Variants in ADGRB3 observed in about 807,000 individuals in gnomAD.
ADGRB3 encodes the protein adhesion G protein-coupled receptor B3, also known as brain-specific angiogenesis inhibitor 3.
A neutral mutation model predicts 193.4 loss-of-function variants in ADGRB3; 37 were observed. That is an observed-to-expected ratio of 0.19 (90% confidence interval 0.15 to 0.25). The LOEUF (loss-of-function observed/expected upper bound fraction) is 0.25. Ranked by LOEUF, ADGRB3 falls within the 10% of genes least tolerant of loss-of-function variation. The pLI is 1.00. For synonymous variants in ADGRB3, 690 were observed against 644.2 expected, an observed-to-expected ratio of 1.07 and a Z score of -1.08; for missense variants, 1,637 against 1,852.9, an observed-to-expected ratio of 0.88 and a Z score of 2.14.
intron 17 of ADGRB3, among the ~76,000 whole-genome samples, chr6:69,128,415 T>G (rs925109412): frequency 1.3e-5 from 2 of 152,156 alleles, no homozygotes; most frequent in Admixed American, 6.6e-5. Context: ...GTCTGTGACT[T>G]GAAGACAATT....
intron 20 of ADGRB3, among the ~76,000 whole-genome samples, chr6:69,298,737 C>T (rs1767887527): frequency 6.6e-6 from 1 of 151,972 alleles, no homozygotes; most frequent in South Asian, 2.1e-4. Flanking sequence ...GTGGCTGGAT[C>T]ATATTCCATT....
At chr6:69,199,063 G>C (rs1430540903) in intron 17 of ADGRB3, among the ~76,000 whole-genome samples, 1 of 152,120 alleles carries the variant, frequency 6.6e-6, no homozygotes, top group African/African-American at 2.4e-5. Context: ...AGGTGAAGCA[G>C]AAATACACCA....
chr6:68,908,330 C>T (rs1766605887), intron 3 of ADGRB3, among the ~76,000 whole-genome samples: 1 of 151,984 alleles, frequency 6.6e-6, no homozygotes, highest in South Asian at 2.1e-4. Context: ...ACCTTGTCTC[C>T]AAATCTAGTA....
intron 20 of ADGRB3, among the ~76,000 whole-genome samples, chr6:69,240,171 T>C (rs1323816196): frequency 6.6e-6 from 1 of 152,044 alleles, no homozygotes; most frequent in African/African-American, 2.4e-5. Context: ...CTAACCTACG[T>C]TCCTAAGACT....
intron 17 of ADGRB3, among the ~76,000 whole-genome samples, chr6:69,224,123 G>A (rs1765957580): frequency 1.3e-5 from 2 of 151,676 alleles, no homozygotes; most frequent in Admixed American, 6.6e-5. Context: ...TATATTTCAT[G>A]TTTTTTCATG....
At chr6:68,805,286 A>G (rs1255912506) in intron 3 of ADGRB3, among the ~76,000 whole-genome samples, 1 of 152,186 alleles carries the variant, frequency 6.6e-6, no homozygotes, top group Admixed American at 6.5e-5. Context: ...TCTGAAAATA[A>G]TGCCATCTTT....
chr6:68,851,969 T>A (rs926926545), intron 3 of ADGRB3, among the ~76,000 whole-genome samples: 1 of 151,868 alleles, frequency 6.6e-6, no homozygotes, highest in African/African-American at 2.4e-5. Flanking sequence ...TGAGCCAAGT[T>A]TTATTATATG....
intron 20 of ADGRB3, among the ~76,000 whole-genome samples, chr6:69,312,554 G>A (rs183862505): frequency 3.3e-4 from 50 of 151,690 alleles, no homozygotes; most frequent in African/African-American, 1.2e-3. Context: ...GTGTCATTTA[G>A]TGTAATTCAG....
At chr6:68,936,430 C>T in intron 4 of ADGRB3, 89 bp from the exon 5 acceptor site, 5 of 1,243,920 alleles carry the variant, frequency 4.0e-6, no homozygotes, top group Non-Finnish European at 3.3e-6. Flanking sequence ...TTAAATTATT[C>T]TTGCATGTCA....
At chr6:69,369,077 A>T (rs186418510) in intron 29 of ADGRB3, among the ~76,000 whole-genome samples, 55 of 152,288 alleles carry the variant, frequency 3.6e-4, no homozygotes, top group Non-Finnish European at 4.7e-4. Flanking sequence ...CCTGGCTTAT[A>T]TTAAATTTAC....
At chr6:69,052,910 G>C (rs1348529184) in intron 15 of ADGRB3, among the ~76,000 whole-genome samples, 1 of 152,164 alleles carries the variant, frequency 6.6e-6, no homozygotes, top group Non-Finnish European at 1.5e-5. Flanking sequence ...GATGGGCCAG[G>C]CATGGTGGCT....
intron 21 of ADGRB3, among the ~76,000 whole-genome samples, chr6:69,326,863 G>C (rs1768584148): frequency 6.6e-6 from 1 of 151,814 alleles, no homozygotes; most frequent in East Asian, 1.9e-4. Flanking sequence ...ATGAGGAGGG[G>C]ACTATATATT....
intron 17 of ADGRB3, among the ~76,000 whole-genome samples, chr6:69,109,061 G>A (rs1016097808): frequency 6.6e-6 from 1 of 152,174 alleles, no homozygotes; most frequent in Non-Finnish European, 1.5e-5. Context: ...GGAAGCCACT[G>A]AAGGGCATTC....
chr6:68,683,767 C>T (rs1299581952), intron 3 of ADGRB3, among the ~76,000 whole-genome samples: 1 of 152,126 alleles, frequency 6.6e-6, no homozygotes, highest in Non-Finnish European at 1.5e-5. Flanking sequence ...TAAATACCTG[C>T]TAATAGTTTC....
chr6:68,695,454 C>T (rs1765141210), intron 3 of ADGRB3, among the ~76,000 whole-genome samples: 1 of 152,036 alleles, frequency 6.6e-6, no homozygotes, highest in Admixed American at 6.6e-5. Flanking sequence ...CAAATCTAAA[C>T]TTTCAGCAAA....
intron 29 of ADGRB3, among the ~76,000 whole-genome samples, chr6:69,372,042 T>TAGCTTTGCTGTAGTAA (rs1769718172): frequency 6.6e-6 from 1 of 152,104 alleles, no homozygotes; most frequent in African/African-American, 2.4e-5. Flanking sequence ...TGTTTGTCTG[T>TAGCTTTGCTGTAGTAA]AGCTTTGCTG....
chr6:69,383,511 T>C (rs1463457049), intron 31 of ADGRB3, among the ~76,000 whole-genome samples: 1 of 152,018 alleles, frequency 6.6e-6, no homozygotes. Context: ...GTACAATTAC[T>C]ATGTTTATGG....
At chr6:69,058,102 C>G (rs1771599441) in intron 15 of ADGRB3, among the ~76,000 whole-genome samples, 1 of 151,838 alleles carries the variant, frequency 6.6e-6, no homozygotes, top group African/African-American at 2.4e-5. Flanking sequence ...ATTATTGATT[C>G]AATCGCTTTA....
chr6:69,190,524 T>C (rs1031609624), intron 17 of ADGRB3, among the ~76,000 whole-genome samples: 19 of 152,104 alleles, frequency 1.2e-4, no homozygotes, highest in African/African-American at 4.6e-4. Context: ...TTAAAAAGTT[T>C]GTAAAGTAAA....
Sources: allele counts gnomAD v4.1 joint callset (sites outside exome capture counted in the v4.1 genomes callset), GRCh38; gene constraint gnomAD v4.1.1; transcripts MANE v1.5; gene names NCBI Gene and HGNC (gene_info 2026-07-23, HGNC 2026-07-21).